NRG3: variants seen among roughly 807,000 people sequenced by gnomAD.
NRG3 encodes neuregulin 3.
A neutral mutation model predicts 66.9 loss-of-function variants in NRG3; 31 were observed. The observed-to-expected ratio is 0.46, with a 90% CI of 0.35 to 0.63. The LOEUF (loss-of-function observed/expected upper bound fraction) is 0.63, where lower values mean the gene tolerates loss of function less well. NRG3 is among the 20% of genes least tolerant of loss of function. The probability of loss-of-function intolerance (pLI) is 0.00; values close to 1 mark genes in which losing one functional copy is unlikely to be tolerated. For synonymous variants in NRG3, 393 were observed against 359.4 expected (o/e 1.09, Z -1.06); for missense variants, 910 against 878.9 (o/e 1.04, Z -0.45).
intron 3 of NRG3, among the ~76,000 whole-genome samples, chr10:82,747,164 A>G (rs2058680975): frequency 2.0e-5 from 3 of 152,008 alleles, no homozygotes; most frequent in Non-Finnish European, 2.9e-5. Flanking sequence ...CACTCAATAT[A>G]TTGTGAGCTT....
intron 2 of NRG3, among the ~76,000 whole-genome samples, chr10:82,656,048 C>G (rs1168706694): frequency 6.6e-6 from 1 of 152,152 alleles, no homozygotes; most frequent in Non-Finnish European, 1.5e-5. Context: ...GAAGGATAGT[C>G]AGGAAACTGT....
intron 3 of NRG3, among the ~76,000 whole-genome samples, chr10:82,861,464 T>G (rs553569811): frequency 6.6e-6 from 1 of 152,234 alleles, no homozygotes; most frequent in Non-Finnish European, 1.5e-5. Flanking sequence ...AATTTCCAAA[T>G]TTTGATTTCT....
chr10:82,717,904 C>T (rs991377859), intron 2 of NRG3, among the ~76,000 whole-genome samples: 4 of 151,636 alleles, frequency 2.6e-5, no homozygotes, highest in African/African-American at 9.7e-5. Flanking sequence ...TTTCCACTCA[C>T]CTGTATGTCA....
intron 2 of NRG3, among the ~76,000 whole-genome samples, chr10:82,456,832 C>T (rs2091289983): frequency 6.6e-6 from 1 of 152,136 alleles, no homozygotes; most frequent in Admixed American, 6.5e-5. Flanking sequence ...TCGGCCTGCC[C>T]CAGGTCTGGC....
chr10:82,711,072 G>C (rs527990465), intron 2 of NRG3, among the ~76,000 whole-genome samples: 7 of 152,064 alleles, frequency 4.6e-5, no homozygotes, highest in African/African-American at 1.7e-4. Context: ...TTGCTCAGCA[G>C]ATTGATTAAT....
intron 1 of NRG3, among the ~76,000 whole-genome samples, chr10:82,144,342 G>T (rs1482702900): frequency 3.9e-5 from 6 of 152,090 alleles, no homozygotes; most frequent in Non-Finnish European, 8.8e-5. Flanking sequence ...AATAGGAATT[G>T]GTCCCTTGGG....
At chr10:82,126,589 G>T (rs569332449) in intron 1 of NRG3, among the ~76,000 whole-genome samples, 58 of 152,078 alleles carry the variant, frequency 3.8e-4, no homozygotes, top group African/African-American at 1.2e-3. Context: ...TATAGTAATT[G>T]GCATATAAAT....
chr10:82,375,303 C>T (rs1035542726), intron 2 of NRG3, among the ~76,000 whole-genome samples: 2 of 151,976 alleles, frequency 1.3e-5, no homozygotes, highest in Non-Finnish European at 2.9e-5. Flanking sequence ...TTTGGGAGGC[C>T]GAGGCGGGCG....
intron 2 of NRG3, among the ~76,000 whole-genome samples, chr10:82,475,044 T>C (rs552919107): frequency 1.3e-5 from 2 of 151,090 alleles, no homozygotes; most frequent in Non-Finnish European, 2.9e-5. Flanking sequence ...CCTAGCTTTA[T>C]ACTTTAAAAA....
chr10:82,496,148 G>T (rs895839583), intron 2 of NRG3, among the ~76,000 whole-genome samples: 3 of 152,104 alleles, frequency 2.0e-5, no homozygotes, highest in Non-Finnish European at 4.4e-5. Context: ...TGAAAGAAAA[G>T]AAGAAAATGT....
chr10:82,839,153 G>A (rs549171902), intron 3 of NRG3, among the ~76,000 whole-genome samples: 56 of 152,270 alleles, frequency 3.7e-4, no homozygotes, highest in Non-Finnish European at 6.9e-4. Context: ...CATCCAAACT[G>A]AAAGTTGTAG....
intron 1 of NRG3, among the ~76,000 whole-genome samples, chr10:82,192,939 G>T (rs2074239010): frequency 6.6e-6 from 1 of 151,286 alleles, no homozygotes; most frequent in Non-Finnish European, 1.5e-5. Flanking sequence ...AATGAGGTAG[G>T]TTGTTCAAGT....
At chr10:82,298,738 A>T (rs1327997699) in intron 1 of NRG3, among the ~76,000 whole-genome samples, 1 of 152,030 alleles carries the variant, frequency 6.6e-6, no homozygotes, top group Non-Finnish European at 1.5e-5. Context: ...GAGGAATTCT[A>T]TGCTGTGCAC....
chr10:82,738,640 A>G lies in NRG3; in HGVS notation c.1017A>G (p.Leu339=). ...TTCTGCCGAAAACTGATTCCATCTT[A>G]TCGGATCCAAGTAGGTCAAGCATTT... ...DQFLPKTDSI[L]SDPTDHLGIE... Residue 339 remains leucine, a synonymous_variant, in exon 3 of 9, where the codon TTA becomes TTG. Coordinates refer to ENST00000372141, the MANE Select transcript of NRG3 (RefSeq NM_001010848.4). 6.2e-7 allele frequency: 1 copy of G among 1,614,016 alleles called. No homozygotes were observed. Among genetic ancestry groups the G allele is most frequent in the Non-Finnish European group, 8.5e-7 (1 of 1,179,868 alleles).
At chr10:82,316,800 G>A (rs954347500) in intron 1 of NRG3, among the ~76,000 whole-genome samples, 1 of 152,208 alleles carries the variant, frequency 6.6e-6, no homozygotes, top group Middle Eastern at 3.2e-3. Flanking sequence ...AGGCCGAGCT[G>A]TAGGTTCAAT....
chr10:82,504,168 C>T (rs539894226), intron 2 of NRG3, among the ~76,000 whole-genome samples: 2 of 152,240 alleles, frequency 1.3e-5, no homozygotes, highest in South Asian at 4.1e-4. Flanking sequence ...GGACGGGTTT[C>T]TATAACTCTG....
intron 2 of NRG3, among the ~76,000 whole-genome samples, chr10:82,455,267 T>C (rs1397114024): frequency 6.6e-6 from 1 of 152,214 alleles, no homozygotes; most frequent in Non-Finnish European, 1.5e-5. Flanking sequence ...CGTCATAGTG[T>C]GTACTTAAGC....
intron 1 of NRG3, among the ~76,000 whole-genome samples, chr10:82,229,564 C>T (rs1325659647): frequency 2.6e-5 from 4 of 152,110 alleles, no homozygotes; most frequent in Non-Finnish European, 4.4e-5. Context: ...TTCTGCATTG[C>T]TTGGGAGGCC....
intron 2 of NRG3, among the ~76,000 whole-genome samples, chr10:82,428,637 T>G (rs927438271): frequency 6.6e-6 from 1 of 152,050 alleles, no homozygotes; most frequent in Non-Finnish European, 1.5e-5. Context: ...TAATATGCAA[T>G]CTATCCTGGA....
Sources: allele counts gnomAD v4.1 joint callset (sites outside exome capture counted in the v4.1 genomes callset), GRCh38; gene constraint gnomAD v4.1.1; transcripts MANE v1.5; gene names NCBI Gene and HGNC (gene_info 2026-07-23, HGNC 2026-07-21).